The following ATRNL1 variants were observed in gnomAD, a reference collection of about 807,000 sequenced individuals.
The protein encoded by ATRNL1 is attractin-like protein 1.
In ATRNL1, 95 loss-of-function variants were observed where a neutral mutation model predicts 182.7. The ratio of observed to expected loss-of-function variants is 0.52; its 90% CI spans 0.44 to 0.62. The LOEUF (loss-of-function observed/expected upper bound fraction) is 0.62, where lower values mean the gene tolerates loss of function less well. Among genes scored for constraint, ATRNL1 ranks in the 20% least tolerant of loss-of-function variants. ATRNL1 has a pLI of 0.00. For missense variants in ATRNL1, 1,471 were observed against 1,679.5 expected, an observed-to-expected ratio of 0.88 and a Z score of 2.17; for synonymous variants, 576 against 568.3, an observed-to-expected ratio of 1.01 and a Z score of -0.19.
chr10:115,719,876 TTTG>T (rs1351377565), intron 26 of ATRNL1, among the ~76,000 whole-genome samples: 15 of 151,402 alleles, frequency 9.9e-5, no homozygotes, highest in African/African-American at 3.6e-4. Context: ...TTTTTTTTTT[TTTG>T]AGATGGAGTC....
intron 18 of ATRNL1, among the ~76,000 whole-genome samples, chr10:115,330,465 G>A (rs972384498): frequency 6.6e-6 from 1 of 151,796 alleles, no homozygotes. Context: ...TTGTAATGTA[G>A]TTCTGGTTGC....
chr10:115,555,946 G>T (rs1036282205), intron 26 of ATRNL1, among the ~76,000 whole-genome samples: 2 of 151,838 alleles, frequency 1.3e-5, no homozygotes. Flanking sequence ...ACCTATATAA[G>T]GAATTTGTGG....
rs559646341 is a variant in ATRNL1 at position 115,222,201 on chromosome 10, A to C, written c.1532+6321A>C. 6.6e-5 allele frequency among the ~76,000 whole-genome samples: 10 copies of C among 152,290 alleles called. No homozygotes were observed. The East Asian group carries it at 1.9e-3, about 29-fold the overall frequency. ...ATTCCTTGGATGGAAATAACAGCAGATTAGACACAGCTGAAGGGGGAAATA... is the reference window on the plus strand; with the variant it reads ...ATTCCTTGGATGGAAATAACAGCAGCTTAGACACAGCTGAAGGGGGAAATA... On this transcript the variant is annotated intron_variant, in intron 9 of 28. Transcript: ENST00000355044.
intron 26 of ATRNL1, 151 bp from the exon 27 acceptor site, chr10:115,727,097 A>G: frequency 1.6e-6 from 1 of 608,558 alleles, no homozygotes; most frequent in Non-Finnish European, 2.9e-6. Context: ...GGGAGAAAGT[A>G]ATTTTCATCT....
intron 28 of ATRNL1, among the ~76,000 whole-genome samples, chr10:115,883,182 C>T (rs1445340965): frequency 2.6e-5 from 4 of 152,196 alleles, no homozygotes; most frequent in African/African-American, 9.6e-5. Context: ...AACATCCATG[C>T]AAGAAACTCT....
At chr10:115,414,892 G>A (rs1780992411) in intron 20 of ATRNL1, among the ~76,000 whole-genome samples, 1 of 151,738 alleles carries the variant, frequency 6.6e-6, no homozygotes, top group South Asian at 2.1e-4. Flanking sequence ...GTTTTGTTTA[G>A]AGATGTATAG....
intron 28 of ATRNL1, among the ~76,000 whole-genome samples, chr10:115,876,990 T>A (rs1374855919): frequency 2.0e-5 from 3 of 152,210 alleles, no homozygotes; most frequent in Non-Finnish European, 2.9e-5. Flanking sequence ...TACAGTACAT[T>A]TTCTGCCTTA....
chr10:115,460,790 T>G (rs1045313265), intron 21 of ATRNL1, among the ~76,000 whole-genome samples: 1 of 152,184 alleles, frequency 6.6e-6, no homozygotes, highest in Non-Finnish European at 1.5e-5. Context: ...TCCAAAAGAC[T>G]GATGTTCATT....
At chr10:115,415,368 C>G (rs1360182603) in intron 20 of ATRNL1, among the ~76,000 whole-genome samples, 1 of 151,752 alleles carries the variant, frequency 6.6e-6, no homozygotes, top group African/African-American at 2.4e-5. Flanking sequence ...GCCAGTTTTT[C>G]TATAAAATTA....
chr10:115,580,060 C>A (rs998247240), intron 26 of ATRNL1, among the ~76,000 whole-genome samples: 1 of 152,076 alleles, frequency 6.6e-6, no homozygotes, highest in Non-Finnish European at 1.5e-5. Flanking sequence ...TATTGCAGAA[C>A]CATTCACACA....
rs531146122 is a variant in ATRNL1 at position 115,576,111 on chromosome 10, C to A, written c.3795+26575C>A. ...GTAAATATATTCCATGGTATATACACCACAATTTCTTTATCCATTCATGCG... is the reference window on the plus strand; with the variant it reads ...GTAAATATATTCCATGGTATATACAACACAATTTCTTTATCCATTCATGCG... On this transcript the variant is annotated intron_variant, in intron 26 of 28. Coordinates refer to ENST00000355044, the MANE Select transcript of ATRNL1 (RefSeq NM_207303.4). 5.9e-5 allele frequency among the ~76,000 whole-genome samples: 9 copies of A among 152,044 alleles called. No individual in the cohort carries two copies. In the East Asian group the frequency reaches 1.4e-3, roughly 23 times the overall value.
chr10:115,345,830 T>C (rs7099614), intron 19 of ATRNL1, among the ~76,000 whole-genome samples: 108 of 152,326 alleles, frequency 7.1e-4, no homozygotes, highest in Non-Finnish European at 1.2e-3. Context: ...AGATATTTCA[T>C]ATAAATGGAA....
intron 28 of ATRNL1, among the ~76,000 whole-genome samples, chr10:115,885,853 G>A (rs1321866742): frequency 2.6e-5 from 4 of 152,146 alleles, no homozygotes; most frequent in Non-Finnish European, 4.4e-5. Context: ...TGGACGTTTA[G>A]GCTAGTTTTT....
intron 27 of ATRNL1, among the ~76,000 whole-genome samples, chr10:115,810,729 A>G (rs1858252920): frequency 6.6e-6 from 1 of 151,722 alleles, no homozygotes; most frequent in African/African-American, 2.4e-5. Context: ...GAGTTTTGGT[A>G]TTTTTAGATT....
intron 26 of ATRNL1, among the ~76,000 whole-genome samples, chr10:115,586,991 A>C (rs1215649765): frequency 2.1e-5 from 3 of 140,872 alleles, no homozygotes; most frequent in Admixed American, 7.5e-5. Flanking sequence ...CCTCAGCTGC[A>C]GCTCTGTTGG....
intron 26 of ATRNL1, among the ~76,000 whole-genome samples, chr10:115,721,137 G>T (rs1267775297): frequency 6.6e-6 from 1 of 152,100 alleles, no homozygotes; most frequent in African/African-American, 2.4e-5. Flanking sequence ...TGGCCTAGAG[G>T]TTCTGTGAGG....
intron 18 of ATRNL1, among the ~76,000 whole-genome samples, chr10:115,322,800 T>C (rs1374184912): frequency 6.6e-6 from 1 of 152,164 alleles, no homozygotes; most frequent in Non-Finnish European, 1.5e-5. Context: ...TTTGAGTATA[T>C]ATTATTATAC....
intron 26 of ATRNL1, among the ~76,000 whole-genome samples, chr10:115,666,488 A>C (rs879968439): frequency 5.9e-5 from 9 of 152,172 alleles, no homozygotes; most frequent in Non-Finnish European, 8.8e-5. Context: ...TTGTAATTAA[A>C]ATAGAGTTCA....
chr10:115,249,797 T>C (rs953237701), intron 10 of ATRNL1, among the ~76,000 whole-genome samples: 2 of 152,176 alleles, frequency 1.3e-5, no homozygotes, highest in Admixed American at 1.3e-4. Flanking sequence ...GGAATTTGCT[T>C]TAATTTGTTT....
Sources: allele counts gnomAD v4.1 joint callset (sites outside exome capture counted in the v4.1 genomes callset), GRCh38; gene constraint gnomAD v4.1.1; transcripts MANE v1.5; gene names NCBI Gene and HGNC (gene_info 2026-07-23, HGNC 2026-07-21).